The following TPRG1 variants were observed in gnomAD, a reference collection of about 807,000 sequenced individuals.
TPRG1 encodes the protein tumor protein p63-regulated gene 1 protein.
In TPRG1, 29 loss-of-function variants were observed where a neutral mutation model predicts 29.3. That is an observed-to-expected ratio of 0.99 (90% confidence interval 0.74 to 1.35). The LOEUF (loss-of-function observed/expected upper bound fraction) is 1.35, where lower values mean the gene tolerates loss of function less well. Ranked by LOEUF, TPRG1 falls within the 40% of genes most tolerant of loss-of-function variation. The probability of loss-of-function intolerance (pLI) is 0.00; values close to 1 mark genes in which losing one functional copy is unlikely to be tolerated. For missense variants in TPRG1, 327 were observed against 335.0 expected (o/e 0.98, Z 0.19); for synonymous variants, 130 against 116.8 (o/e 1.11, Z -0.73).
In TPRG1 at chr3:189,021,361, G is replaced by A. The variant is rs968540443; in HGVS notation, c.-659-2389G>A. 1.4e-4 allele frequency among the ~76,000 whole-genome samples: 22 copies of A among 151,942 alleles called. 3 individuals are homozygous for A. Among genetic ancestry groups the A allele is most frequent in the East Asian group, 1.4e-3 (7 of 5,152 alleles). ...TTACATTTTGGCATGATTTTGCAGCGGCTGGTACCGGTTGTTCGTTTCCAT... is the reference window on the plus strand; with the variant it reads ...TTACATTTTGGCATGATTTTGCAGCAGCTGGTACCGGTTGTTCGTTTCCAT... On this transcript the variant is annotated intron_variant, in intron 3 of 10. Transcript: ENST00000433971.
Position 189,288,848 on chromosome 3 carries a change from T to C in TPRG1, c.480-21538T>C, listed in dbSNP as rs557573369. 7.2e-5 allele frequency among the ~76,000 whole-genome samples: 11 copies of C among 152,378 alleles called. No homozygotes were observed. In the South Asian group the frequency reaches 1.4e-3, roughly 20 times the overall value. ...CAAACCACTGATTTGTGCCTAATAATGTGAGTTTTGAAAATAATCAGCATA... is the reference window on the plus strand; with the variant it reads ...CAAACCACTGATTTGTGCCTAATAACGTGAGTTTTGAAAATAATCAGCATA... On this transcript the variant is annotated intron_variant, in intron 4 of 5. Coordinates refer to ENST00000345063, the MANE Select transcript of TPRG1 (RefSeq NM_198485.4).
chr3:189,227,605 T>C (rs1737959633), intron 3 of TPRG1, among the ~76,000 whole-genome samples: 1 of 152,258 alleles, frequency 6.6e-6, no homozygotes, highest in Non-Finnish European at 1.5e-5. Flanking sequence ...AAGTTGTTAC[T>C]ACACACTTCT....
intron 4 of TPRG1, among the ~76,000 whole-genome samples, chr3:189,073,780 T>G (rs1716948028): frequency 6.6e-6 from 1 of 152,194 alleles, no homozygotes; most frequent in South Asian, 2.1e-4. Context: ...GAAAAATGAC[T>G]TTTTTTCTTC....
chr3:189,001,912 T>C (rs1053697838), intron 2 of TPRG1, among the ~76,000 whole-genome samples: 3 of 152,226 alleles, frequency 2.0e-5, no homozygotes, highest in Non-Finnish European at 4.4e-5. Flanking sequence ...CTTATCAAAG[T>C]GTTTTTTAAA....
chr3:189,252,816 T>A (rs1206909994), intron 4 of TPRG1, among the ~76,000 whole-genome samples: 1 of 152,190 alleles, frequency 6.6e-6, no homozygotes, highest in African/African-American at 2.4e-5. Context: ...AAGTTTTCAT[T>A]TAAAGAGTTT....
chr3:189,023,910 G>A (rs1158986986), exon 4 of TPRG1: 1 of 152,240 alleles, frequency 6.6e-6, no homozygotes, highest in Admixed American at 6.5e-5. Flanking sequence ...TTGCTGGCCT[G>A]AATACACCTG....
At position 189,238,840 on chromosome 3, in the gene TPRG1, G is replaced by T. The variant is rs764343848; in HGVS notation, c.410G>T (p.Arg137Leu). The T allele has an allele frequency of 6.2e-7, 1 of 1,613,722 alleles. No homozygotes were observed. Among genetic ancestry groups the T allele is most frequent in the Middle Eastern group, 1.7e-4 (1 of 6,048 alleles). Reference sequence around the variant, plus strand: ...ATGCTGAGTTGTGTGCAGCTGCAGCGGATTCCTCTGAGCGCTGTCTATCGC... The same window carrying T: ...ATGCTGAGTTGTGTGCAGCTGCAGCTGATTCCTCTGAGCGCTGTCTATCGC... ...FIMLSCVQLQ[R>L]IPLSAVYRIC... is the part of the protein sequence containing the mutation. The change falls in exon 4 of 6, where the codon CGG becomes CTG. Residue 137 changes from arginine to leucine, a missense_variant. By Grantham distance (102) the Arg-to-Leu change is moderately radical. Transcript: ENST00000345063.
At chr3:189,279,463 G>A (rs1716733291) in intron 4 of TPRG1, among the ~76,000 whole-genome samples, 1 of 152,130 alleles carries the variant, frequency 6.6e-6, no homozygotes, top group African/African-American at 2.4e-5. Flanking sequence ...GAGTCAGGTG[G>A]ACCTTCATTC....
intron 4 of TPRG1, among the ~76,000 whole-genome samples, chr3:189,083,067 T>C (rs1717709194): frequency 6.6e-6 from 1 of 152,016 alleles, no homozygotes; most frequent in African/African-American, 2.4e-5. Flanking sequence ...TTGAGTGCTA[T>C]AATTAGTGGG....
chr3:189,163,320 C>G (rs1727736219), intron 5 of TPRG1, among the ~76,000 whole-genome samples: 1 of 152,038 alleles, frequency 6.6e-6, no homozygotes, highest in Non-Finnish European at 1.5e-5. Context: ...ACTTTTTTCT[C>G]TGACTATTTC....
At chr3:189,028,762 G>A (rs897208202) in intron 4 of TPRG1, among the ~76,000 whole-genome samples, 1 of 152,148 alleles carries the variant, frequency 6.6e-6, no homozygotes. Context: ...ATAGTAGTTA[G>A]CATGGTCATT....
chr3:189,091,870 T>A (rs1718360069), intron 4 of TPRG1, among the ~76,000 whole-genome samples: 1 of 152,218 alleles, frequency 6.6e-6, no homozygotes, highest in Non-Finnish European at 1.5e-5. Flanking sequence ...TTTCAGATAT[T>A]TTGAAATACA....
At chr3:189,181,009 G>A (rs984183953) in intron 1 of TPRG1, among the ~76,000 whole-genome samples, 4 of 152,182 alleles carry the variant, frequency 2.6e-5, no homozygotes. Flanking sequence ...CCAAGTAGAA[G>A]CTGCCAAGGC....
At chr3:189,165,525 C>A (rs997301999) in intron 5 of TPRG1, among the ~76,000 whole-genome samples, 1 of 151,810 alleles carries the variant, frequency 6.6e-6, no homozygotes, top group Non-Finnish European at 1.5e-5. Flanking sequence ...AATCAAGGGG[C>A]CTGGGCATGT....
At chr3:189,176,950 C>A (rs929916452) in intron 1 of TPRG1, among the ~76,000 whole-genome samples, 3 of 152,208 alleles carry the variant, frequency 2.0e-5, no homozygotes, top group Admixed American at 2.0e-4. Context: ...AGATGAATGA[C>A]ATGGTCTGAC....
At chr3:189,087,277 C>A (rs1427901503) in intron 4 of TPRG1, among the ~76,000 whole-genome samples, 5 of 152,068 alleles carry the variant, frequency 3.3e-5, no homozygotes, top group Non-Finnish European at 7.4e-5. Flanking sequence ...GCATTTTTTC[C>A]TGTGTCTGTT....
intron 4 of TPRG1, among the ~76,000 whole-genome samples, chr3:189,150,395 C>A (rs555915769): frequency 6.6e-6 from 1 of 152,128 alleles, no homozygotes; most frequent in Non-Finnish European, 1.5e-5. Flanking sequence ...GTTGGTCAGC[C>A]TGGTCTTGAA....
chr3:189,021,914 G>A (rs914144368), intron 3 of TPRG1, among the ~76,000 whole-genome samples: 7 of 152,100 alleles, frequency 4.6e-5, no homozygotes, highest in African/African-American at 1.7e-4. Flanking sequence ...CATATCTCTT[G>A]GAGGCTTTGC....
intron 3 of TPRG1, among the ~76,000 whole-genome samples, chr3:189,008,886 T>C (rs978525304): frequency 6.6e-6 from 1 of 152,166 alleles, no homozygotes. Flanking sequence ...TTAAGCATTA[T>C]TCTATAGTGC....
Sources: gnomAD v4.1 joint callset for allele counts (sites outside exome capture counted in the v4.1 genomes callset) on GRCh38, gnomAD v4.1.1 for gene constraint, MANE v1.5 for transcripts, NCBI Gene and HGNC (gene_info 2026-07-23, HGNC 2026-07-21) for gene names.